Variants in TSEN54 observed in about 807,000 individuals in gnomAD.
TSEN54 encodes tRNA splicing endonuclease subunit 54, also known as tRNA-splicing endonuclease subunit Sen54.
Under a neutral mutation model 61.9 loss-of-function variants are expected in TSEN54, and 55 were observed. That is an observed-to-expected ratio of 0.89 (90% CI 0.72 to 1.11). The LOEUF is 1.11. Ranked by LOEUF, TSEN54 falls within the 50% of genes most tolerant of loss-of-function variation. TSEN54 has a pLI of 0.00. For synonymous variants in TSEN54, 304 were observed against 288.7 expected, an observed-to-expected ratio of 1.05 and a Z score of -0.54; for missense variants, 760 against 687.7, an observed-to-expected ratio of 1.11 and a Z score of -1.18.
intron 10 of TSEN54, 85 bp downstream of exon 10, chr17:75,523,864 C>A: frequency 7.0e-7 from 1 of 1,438,820 alleles, no homozygotes. Flanking sequence ...ACTCCCCTGG[C>A]CAGCGTGCCA....
rs918060949 is a variant in TSEN54, at chr17:75,522,033, C to A, written c.952C>A (p.Pro318Thr). The change falls in exon 8 of 11, where the codon CCA becomes ACA. Residue 318 changes from proline to threonine, a missense_variant. By Grantham distance (38) the Pro-to-Thr change is conservative. Around this residue, in one of 3 missense-constraint regions of TSEN54, gnomAD observed 667 missense variants for 577.8 expected, o/e 1.15. Transcript: ENST00000333213. ...CAGCCGCCACACCCTTCTGCGCGCC[C>A]CAGCCCCAGAGCTGCTCCCGGCCAA... is the stretch of plus-strand genomic sequence containing the variant. ...SDSRHTLLRA[P>T]APELLPANVA... 1.3e-6 allele frequency: 2 copies of A among 1,593,118 alleles called. No homozygotes were observed. The highest frequency in any genetic ancestry group is 1.7e-6 in the Non-Finnish European group (2 of 1,170,486).
chr17:75,517,468 G>C (rs28512237), intron 4 of TSEN54, 89 bp from the exon 5 acceptor site: 9 of 1,267,084 alleles, frequency 7.1e-6, no homozygotes, highest in Non-Finnish European at 1.0e-5. Flanking sequence ...GAGAGGGGGA[G>C]GGGGAGGTAT....
At chr17:75,524,036 G>A (rs1456502698) in intron 10 of TSEN54, among the ~76,000 whole-genome samples, 1 of 152,188 alleles carries the variant, frequency 6.6e-6, no homozygotes, top group Non-Finnish European at 1.5e-5. Context: ...AAGGGATGTG[G>A]ATTGTGGGGA....
intron 5 of TSEN54, chr17:75,518,676 C>T (rs1368315301): frequency 1.9e-5 from 19 of 985,298 alleles, no homozygotes; most frequent in Non-Finnish European, 2.3e-5. Flanking sequence ...GGCAGCTTCA[C>T]TCCTATGAGC....
At chr17:75,522,924 T>G (rs2147014734) in intron 8 of TSEN54, 1 of 354,924 alleles carries the variant, frequency 2.8e-6, no homozygotes, top group South Asian at 2.4e-5. Context: ...CTCATACCCG[T>G]AATCCCAGCA....
At position 75,516,833 on chromosome 17, in the gene TSEN54, G is replaced by T. The variant is rs765761253; in HGVS notation, c.144G>T (p.Ser48=). ...HGPKDFLPDG[S]AAQAERLRRC... is the part of the protein sequence containing the mutation. ...CCAAGGACTTTCTGCCCGACGGCTC[G>T]GCAGCTCAGGCCGAGCGGCTGCGCC... The change falls in exon 2 of 11, where the codon TCG becomes TCT. Residue 48 remains serine, a synonymous_variant. Coordinates refer to ENST00000333213, the MANE Select transcript of TSEN54 (RefSeq NM_207346.3). The T allele has an allele frequency of 3.1e-6, 5 of 1,588,790 alleles. No individual in the cohort carries two copies. Among genetic ancestry groups the T allele is most frequent in the Non-Finnish European group, 4.3e-6 (5 of 1,174,540 alleles).
chr17:75,517,942 G>A (rs1278923230), intron 5 of TSEN54, among the ~76,000 whole-genome samples: 1 of 152,200 alleles, frequency 6.6e-6, no homozygotes, highest in Non-Finnish European at 1.5e-5. Context: ...GAGTTGCAGT[G>A]AGTGAAAAAT....
chr17:75,523,126 C>T (rs1391890541), intron 8 of TSEN54, 149 bp from the exon 9 acceptor site: 2 of 1,007,542 alleles, frequency 2.0e-6, no homozygotes, highest in African/African-American at 1.6e-5. Context: ...TCACAGTGAG[C>T]CAAGATCACG....
Position 75,517,241 on chromosome 17 carries a change from G to T in TSEN54, c.366G>T (p.Glu122Asp), listed in dbSNP as rs1190501600. The change falls in exon 4 of 11, where the codon GAG becomes GAT. Residue 122 changes from glutamate (E) to aspartate (D), a missense_variant. This residue lies in a region of TSEN54 where 667 missense variants were observed against 577.8 expected (regional missense o/e 1.15). Coordinates refer to ENST00000333213, the MANE Select transcript of TSEN54 (RefSeq NM_207346.3). Reference sequence around the variant, plus strand: ...CGGAAGAGGCCTTGTATCTTCTGGAGTGTGTAAGTGGGGCCCGGGAGGTGG... The same window carrying T: ...CGGAAGAGGCCTTGTATCTTCTGGATTGTGTAAGTGGGGCCCGGGAGGTGG... ...LHPEEALYLLECGSIHLFHQD... is the reference protein window; with the variant it reads ...LHPEEALYLLDCGSIHLFHQD... 2 of 1,595,438 alleles carry T rather than the reference G, an allele frequency of 1.3e-6. No individual in the cohort carries two copies. Among genetic ancestry groups the T allele is most frequent in the Non-Finnish European group, 1.7e-6 (2 of 1,171,244 alleles).
intron 8 of TSEN54, 123 bp from the exon 9 acceptor site, chr17:75,523,152 C>T: frequency 1.6e-6 from 2 of 1,289,064 alleles, no homozygotes; most frequent in Non-Finnish European, 2.2e-6. Context: ...ATACTCCAGC[C>T]TGGGTGACAG....
In TSEN54 at chr17:75,521,827, G is replaced by C. The variant is rs1188160997; in HGVS notation, c.746G>C (p.Ser249Thr). ...QCPEEKPQES[S>T]PMKGPGGPFQ... ...CCAGAGGAGAAACCCCAGGAGTCAA[G>C]CCCCATGAAGGGCCCAGGGGGCCCC... Residue 249 changes from serine to threonine, a missense_variant, in exon 8 of 11, where the codon AGC becomes ACC. Coordinates refer to ENST00000333213, the MANE Select transcript of TSEN54 (RefSeq NM_207346.3). The C allele has an allele frequency of 1.2e-6, 2 of 1,612,928 alleles. No individual in the cohort carries two copies.
In TSEN54 at chr17:75,522,262, A is replaced by C. The variant is rs560589823; in HGVS notation, c.1181A>C (p.Gln394Pro). ...CAGCGGCGGCAGGTGCAGAGGAGCC[A>C]GCGCCGGGCCCCTCACCTGTGGGGC... ...LLQRRQVQRSQRRAPHLWGQP... is the reference protein window; with the variant it reads ...LLQRRQVQRSPRRAPHLWGQP... Residue 394 changes from glutamine to proline, a missense_variant, in exon 8 of 11, where the codon CAG becomes CCG. Gln to Pro is a moderately conservative substitution (Grantham distance 76). Around this residue, in one of 3 missense-constraint regions of TSEN54, gnomAD observed 667 missense variants for 577.8 expected, o/e 1.15. Transcript: ENST00000333213. The C allele has an allele frequency of 2.6e-6, 4 of 1,546,822 alleles. No homozygotes were observed. Among genetic ancestry groups the C allele is most frequent in the Non-Finnish European group, 3.5e-6 (4 of 1,146,298 alleles).
chr17:75,523,732 C>T lies in TSEN54; in HGVS notation c.1383C>T (p.Phe461=), dbSNP rs753094398. Residue 461 remains phenylalanine, a synonymous_variant, in exon 10 of 11, where the codon TTC becomes TTT. Coordinates refer to ENST00000333213, the MANE Select transcript of TSEN54 (RefSeq NM_207346.3). ...DVYQADAVAT[F]RKNNPGKPYA... ...ACCAGGCCGACGCTGTGGCCACATTCCGAAAGAATAACCCTGGCAAACCCT... is the reference window on the plus strand; with the variant it reads ...ACCAGGCCGACGCTGTGGCCACATTTCGAAAGAATAACCCTGGCAAACCCT... The T allele has an allele frequency of 6.2e-7, 1 of 1,614,128 alleles. No homozygotes were observed. Among genetic ancestry groups the T allele is most frequent in the Non-Finnish European group, 8.5e-7 (1 of 1,180,010 alleles).
Position 75,524,585 on chromosome 17 carries a change from T to G in TSEN54, c.*173T>G. 1 of 828,048 alleles carries G rather than the reference T, an allele frequency of 1.2e-6. No individual in the cohort carries two copies. Among genetic ancestry groups the G allele is most frequent in the Non-Finnish European group, 2.0e-6 (1 of 498,820 alleles). The allele number at this position is 828,048 out of a possible 1,614,324, so 51.3% of individuals were successfully genotyped here. A position where few individuals can be genotyped will look rare whatever the true frequency, so the allele number is the denominator to read the frequency against. On this transcript the variant is annotated 3_prime_UTR_variant, in exon 11 of 11. Transcript: ENST00000333213. The stretch of plus-strand genomic sequence containing the variant: ...CAGAGTGAAACTGTGACCCTCTCCC[T>G]TCCCTGCTGCCTTGCAGTGACCCCT...
At position 75,517,164 on chromosome 17, in the gene TSEN54, AAAT is replaced by A. The variant is rs750645536; in HGVS notation, c.290_292del (p.Lys97_Phe98delinsIle). The A allele has an allele frequency of 6.7e-7, 1 of 1,494,982 alleles. No individual in the cohort carries two copies. The highest frequency in any genetic ancestry group is 3.1e-5 in the East Asian group (1 of 32,082). The allele number at this position is 1,494,982 out of a possible 1,614,324, so 92.6% of individuals were successfully genotyped here. ...ACTTGCTCTGGGCCCCACACAGGGC[AAAT>A]TCTGGCAGACCATGGGCTTCTCAGA... On this transcript the variant is annotated inframe_deletion, in exon 4 of 11. Coordinates refer to ENST00000333213, the MANE Select transcript of TSEN54 (RefSeq NM_207346.3).
intron 10 of TSEN54, 73 bp downstream of exon 10, chr17:75,523,852 G>A: frequency 6.6e-7 from 1 of 1,511,114 alleles, no homozygotes; most frequent in Non-Finnish European, 9.1e-7. Context: ...GGACTCCTCT[G>A]TACTCCCCTG....
rs2053447310 is a variant in TSEN54 at position 75,523,150 on chromosome 17, GC to G, written c.1253-123del. On this transcript the variant is annotated intron_variant, in intron 8 of 10. Transcript: ENST00000333213. ...GCCAAGATCACGCCACTATACTCCA[GC>G]CTGGGTGACAGAGTGAGACTCCGTT... The G allele has an allele frequency of 2.4e-6, 3 of 1,274,810 alleles. No individual in the cohort carries two copies. The East Asian group carries it at 7.0e-5, about 30-fold the overall frequency. 79.0% of individuals were successfully genotyped at this position (1,274,810 alleles called of 1,614,324 possible).
Position 75,524,391 on chromosome 17 carries a change from G to T in TSEN54, c.1560G>T (p.Leu520Phe), listed in dbSNP as rs1568005792. Residue 520 changes from leucine (L) to phenylalanine (F), a missense_variant, in exon 11 of 11, where the codon TTG becomes TTT. Physicochemically the swap from Leu to Phe is conservative, Grantham distance 22. This residue lies in a region of TSEN54 where 83 missense variants were observed against 82.9 expected (regional missense o/e 1.00). Transcript: ENST00000333213. ...TCTACAGCTTCAGGGACTTCACGTTGCCCCAGGATGTGGGGCACTGACCTC... is the reference window on the plus strand; with the variant it reads ...TCTACAGCTTCAGGGACTTCACGTTTCCCCAGGATGTGGGGCACTGACCTC... Reference protein sequence around the residue: ...ISFYSFRDFTLPQDVGH With the variant: ...ISFYSFRDFTFPQDVGH The T allele has an allele frequency of 6.2e-7, 1 of 1,614,134 alleles. No individual in the cohort carries two copies. Among genetic ancestry groups the T allele is most frequent in the South Asian group, 1.1e-5 (1 of 91,088 alleles).
rs2053425874 is a variant in TSEN54 at position 75,521,420 on chromosome 17, C to T, written c.533C>T (p.Ser178Phe). ...TTCTCACCCCACAGCTCTGTCCTGT[C>T]CCCGTATGAGAGGCAGCTTAACCTG... ...VRRFQPSSVL[S>F]PYERQLNLDA... The change falls in exon 7 of 11, where the codon TCC becomes TTC. Residue 178 changes from serine to phenylalanine, a missense_variant. This residue lies in a region of TSEN54 where 667 missense variants were observed against 577.8 expected (regional missense o/e 1.15). Coordinates refer to ENST00000333213, the MANE Select transcript of TSEN54 (RefSeq NM_207346.3). The T allele has an allele frequency of 6.2e-7, 1 of 1,614,070 alleles. No individual in the cohort carries two copies. Among genetic ancestry groups the T allele is most frequent in the Non-Finnish European group, 8.5e-7 (1 of 1,179,988 alleles).
Sources: gnomAD v4.1 joint callset for allele counts (sites outside exome capture counted in the v4.1 genomes callset) on GRCh38, gnomAD v4.1.1 for gene constraint, gnomAD v4.1.1 regional missense constraint, MANE v1.5 for transcripts, NCBI Gene and HGNC (gene_info 2026-07-23, HGNC 2026-07-21) for gene names.